The following AASS variants were observed in gnomAD, a reference collection of about 807,000 sequenced individuals.
AASS encodes the protein alpha-aminoadipic semialdehyde synthase, mitochondrial.
A neutral mutation model predicts 105.4 loss-of-function variants in AASS; 86 were observed. That is an observed-to-expected ratio of 0.82 (90% confidence interval 0.69 to 0.98). The LOEUF (loss-of-function observed/expected upper bound fraction) is 0.98, where lower values mean the gene tolerates loss of function less well. AASS is among the 50% of genes least tolerant of loss of function. The probability of loss-of-function intolerance (pLI) is 0.00; values close to 1 mark genes in which losing one functional copy is unlikely to be tolerated. For missense variants in AASS, 1,048 were observed against 1,143.2 expected (o/e 0.92, Z 1.20); for synonymous variants, 381 against 394.8 (o/e 0.96, Z 0.41).
intron 11 of AASS, among the ~76,000 whole-genome samples, chr7:122,103,699 T>C (rs1247377846): frequency 6.6e-6 from 1 of 151,794 alleles, no homozygotes; most frequent in African/African-American, 2.4e-5. Flanking sequence ...ATGAAAATTG[T>C]GACATCAAAA....
intron 15 of AASS, among the ~76,000 whole-genome samples, chr7:122,093,672 T>G (rs1794012126): frequency 6.6e-6 from 1 of 152,076 alleles, no homozygotes; most frequent in Non-Finnish European, 1.5e-5. Context: ...TGGCCCAGCA[T>G]GTTGGCGCAT....
At position 122,098,874 on chromosome 7, in the gene AASS, A is replaced by T; in HGVS notation, c.1407-8T>A. The stretch of plus-strand genomic sequence containing the variant: ...AGTGACTGAGCACGTTCCCTATTTA[A>T]AAAAAAAAAAAAAAAAAAAAAAGGG... On this transcript the variant is annotated splice_polypyrimidine_tract_variant and splice_region_variant and intron_variant, in intron 13 of 23. Coordinates refer to ENST00000417368, the MANE Select transcript of AASS (RefSeq NM_005763.4). 4 of 501,012 alleles carry T rather than the reference A, an allele frequency of 8.0e-6. No individual in the cohort carries two copies. The highest frequency in any genetic ancestry group is 2.1e-5 in the African/African-American group (1 of 47,770). The allele number at this position is 501,012 out of a possible 1,614,324, so 31.0% of individuals were successfully genotyped here.
intron 17 of AASS, among the ~76,000 whole-genome samples, chr7:122,092,465 ATAT>A (rs1157559903): frequency 6.6e-6 from 1 of 152,006 alleles, no homozygotes; most frequent in Non-Finnish European, 1.5e-5. Context: ...CAGTTATAAG[ATAT>A]TATTTAAAAT....
At position 122,074,081 on chromosome 7, in the gene AASS, C is replaced by T. The variant is rs542095894; in HGVS notation, c.*2408G>A. On this transcript the variant is annotated 3_prime_UTR_variant, in exon 24 of 24. Transcript: ENST00000417368. ...TGTGTAGACATTTGTTTTTATATCA[C>T]GTGGGTATCCACCAACAGTGCATGA... is the stretch of plus-strand genomic sequence containing the variant. Among the ~76,000 whole-genome samples the T allele has an allele frequency of 5.9e-5, 9 of 152,162 alleles. No individual in the cohort carries two copies. Among genetic ancestry groups the T allele is most frequent in the Non-Finnish European group, 1.2e-4 (8 of 68,022 alleles).
intron 18 of AASS, among the ~76,000 whole-genome samples, chr7:122,089,300 C>A (rs1438201170): frequency 6.6e-6 from 1 of 152,100 alleles, no homozygotes; most frequent in African/African-American, 2.4e-5. Context: ...TTCTTTGATT[C>A]AGTTCAGGCA....
At chr7:122,132,573 C>A (rs2150552764) in intron 2 of AASS, among the ~76,000 whole-genome samples, 1 of 152,280 alleles carries the variant, frequency 6.6e-6, no homozygotes, top group South Asian at 2.1e-4. Flanking sequence ...CCACCTCAAC[C>A]AAGTGACCAC....
At chr7:122,098,949 C>T in intron 13 of AASS, 83 bp from the exon 14 acceptor site, 7 of 1,359,688 alleles carry the variant, frequency 5.1e-6, no homozygotes, top group Non-Finnish European at 6.8e-6. Flanking sequence ...TTGCATTCCA[C>T]AAATCATACT....
intron 18 of AASS, among the ~76,000 whole-genome samples, chr7:122,090,627 C>T (rs1793851804): frequency 6.6e-6 from 1 of 152,124 alleles, no homozygotes; most frequent in African/African-American, 2.4e-5. Context: ...TCACTCCCTG[C>T]AGGGCCAGGA....
At position 122,129,382 on chromosome 7, in the gene AASS, C is replaced by G. The variant is rs989042664; in HGVS notation, c.366G>C (p.Leu122Phe). The change falls in exon 3 of 24, where the codon TTG becomes TTC. Residue 122 changes from leucine (L) to phenylalanine (F), a missense_variant. Coordinates refer to ENST00000417368, the MANE Select transcript of AASS (RefSeq NM_005763.4). ...TIKAQEANMGLLDEILKQEIR... is the reference protein window; with the variant it reads ...TIKAQEANMGFLDEILKQEIR... Reference sequence around the variant, plus strand: ...TTACCTGTTTTAGAATCTCATCCAACAAGCCCATATTGGCCTCCTGAGCTT... The same window carrying G: ...TTACCTGTTTTAGAATCTCATCCAAGAAGCCCATATTGGCCTCCTGAGCTT... 1.2e-6 allele frequency: 2 copies of G among 1,608,636 alleles called. No homozygotes were observed. The highest frequency in any genetic ancestry group is 1.7e-6 in the Non-Finnish European group (2 of 1,176,896).
At chr7:122,087,739 C>T (rs1235632458) in intron 18 of AASS, among the ~76,000 whole-genome samples, 1 of 152,074 alleles carries the variant, frequency 6.6e-6, no homozygotes, top group Non-Finnish European at 1.5e-5. Context: ...GTCTTCACAC[C>T]CATCTCATTT....
At chr7:122,114,454 TATTA>T (rs545794905) in intron 9 of AASS, among the ~76,000 whole-genome samples, 33 of 152,208 alleles carry the variant, frequency 2.2e-4, no homozygotes, top group Non-Finnish European at 3.8e-4. Context: ...CTTCCACAAA[TATTA>T]ATTAATTAAT....
At chr7:122,115,346 A>T in intron 8 of AASS, 124 bp from the exon 9 acceptor site, 1 of 1,285,528 alleles carries the variant, frequency 7.8e-7, no homozygotes, top group Non-Finnish European at 1.1e-6. Flanking sequence ...TGATTTTCTT[A>T]TTGTCCATGT....
At chr7:122,103,950 TA>T (rs1794547987) in intron 11 of AASS, among the ~76,000 whole-genome samples, 1 of 151,978 alleles carries the variant, frequency 6.6e-6, no homozygotes, top group South Asian at 2.1e-4. Flanking sequence ...AGCAGAATAC[TA>T]AAGCAGATAT....
At chr7:122,115,983 G>A (rs1163815360) in intron 8 of AASS, among the ~76,000 whole-genome samples, 1 of 152,110 alleles carries the variant, frequency 6.6e-6, no homozygotes, top group Non-Finnish European at 1.5e-5. Context: ...ATTATTTAAA[G>A]CATTCTTTTT....
chr7:122,124,692 T>A (rs189215984), intron 4 of AASS, among the ~76,000 whole-genome samples: 97 of 152,336 alleles, frequency 6.4e-4, no homozygotes, highest in Admixed American at 1.7e-3. Context: ...TGGTCCTACT[T>A]CTGAATATGG....
chr7:122,112,992 A>C (rs1795005348), intron 11 of AASS, 126 bp downstream of exon 11: 5 of 783,824 alleles, frequency 6.4e-6, no homozygotes, highest in Non-Finnish European at 8.8e-6. Context: ...TAAGTATTTC[A>C]GGGAAGGGCT....
chr7:122,083,242 A>C (rs928301379), intron 19 of AASS, among the ~76,000 whole-genome samples: 1 of 152,196 alleles, frequency 6.6e-6, no homozygotes, highest in Non-Finnish European at 1.5e-5. Context: ...GCTCTAATTC[A>C]AATGCAAATA....
chr7:122,092,798 A>G, intron 17 of AASS, 45 bp downstream of exon 17: 1 of 1,447,418 alleles, frequency 6.9e-7, no homozygotes, highest in Non-Finnish European at 9.7e-7. Flanking sequence ...TGTACACAAG[A>G]ATTTAGACAT....
At chr7:122,082,552 G>A (rs1020115084) in intron 19 of AASS, among the ~76,000 whole-genome samples, 2 of 152,136 alleles carry the variant, frequency 1.3e-5, no homozygotes, top group African/African-American at 4.8e-5. Context: ...CTGTACTGAA[G>A]GTATTGAAAG....
Sources: allele counts gnomAD v4.1 joint callset (sites outside exome capture counted in the v4.1 genomes callset), GRCh38; gene constraint gnomAD v4.1.1; transcripts MANE v1.5; gene names NCBI Gene and HGNC (gene_info 2026-07-23, HGNC 2026-07-21).